Variants in RIMS1 observed in about 807,000 individuals in gnomAD.
RIMS1 encodes the protein regulating synaptic membrane exocytosis protein 1.
In RIMS1, 83 loss-of-function variants were observed where a neutral mutation model predicts 214.1. The observed-to-expected ratio is 0.39, with a 90% CI of 0.32 to 0.47. The LOEUF (loss-of-function observed/expected upper bound fraction) is 0.47, where lower values mean the gene tolerates loss of function less well. Ranked by LOEUF, RIMS1 falls within the 20% of genes least tolerant of loss-of-function variation. RIMS1 has a pLI of 0.99. For missense variants in RIMS1, 2,050 were observed against 2,161.8 expected (o/e 0.95, Z 1.03); for synonymous variants, 793 against 786.8 (o/e 1.01, Z -0.13).
chr6:72,264,850 G>C (rs1254156427), intron 19 of RIMS1, 125 bp from the exon 20 acceptor site: 9 of 575,136 alleles, frequency 1.6e-5, no homozygotes, highest in Non-Finnish European at 2.4e-5. Context: ...TGGTTCTTTT[G>C]AGAAAAAAAT....
At chr6:72,125,934 T>A (rs1185853590) in intron 4 of RIMS1, among the ~76,000 whole-genome samples, 6 of 152,212 alleles carry the variant, frequency 3.9e-5, no homozygotes, top group Non-Finnish European at 8.8e-5. Flanking sequence ...CCCTGACCCC[T>A]TGCGCTTCCT....
chr6:72,283,200 T>C (rs1369449103), intron 23 of RIMS1, among the ~76,000 whole-genome samples: 1 of 152,150 alleles, frequency 6.6e-6, no homozygotes, highest in African/African-American at 2.4e-5. Context: ...TTTCTCTCTT[T>C]TTTTTTGTAA....
At position 72,251,004 on chromosome 6, in the gene RIMS1, A is replaced by G. The variant is rs761549741; in HGVS notation, c.2456A>G (p.His819Arg). Residue 819 changes from histidine to arginine, a missense_variant, in exon 14 of 34, where the codon CAT (histidine) becomes CGT (arginine). Physicochemically the swap from His to Arg is conservative, Grantham distance 29 (BLOSUM62 0). This residue lies in a region of RIMS1 where 889 missense variants were observed against 885.5 expected (regional missense o/e 1.00). Transcript: ENST00000521978. Reference protein sequence around the residue: ...WNQTFVYSHVHRRDFRERMLE... With the variant: ...WNQTFVYSHVRRRDFRERMLE... ...CAAACTTTTGTCTATTCACATGTAC[A>G]TCGTAGAGATTTTAGAGAACGAATG... The G allele has an allele frequency of 8.3e-6, 13 of 1,566,670 alleles. No homozygotes were observed. Among genetic ancestry groups the G allele is most frequent in the Admixed American group, 1.9e-5 (1 of 53,058 alleles).
chr6:72,329,993 G>T (rs2154336337), intron 28 of RIMS1, among the ~76,000 whole-genome samples: 1 of 151,886 alleles, frequency 6.6e-6, no homozygotes, highest in African/African-American at 2.4e-5. Context: ...ACTACATAAT[G>T]CTTGGAACCA....
At chr6:72,128,268 G>A (rs541310525) in intron 4 of RIMS1, among the ~76,000 whole-genome samples, 4 of 152,178 alleles carry the variant, frequency 2.6e-5, no homozygotes, top group African/African-American at 9.6e-5. Flanking sequence ...CATTTCAAAG[G>A]ACAGAGAAAT....
At chr6:71,903,898 A>C (rs906795863) in intron 1 of RIMS1, among the ~76,000 whole-genome samples, 16 of 152,154 alleles carry the variant, frequency 1.1e-4, no homozygotes, top group African/African-American at 3.9e-4. Context: ...ATCTGTTTTC[A>C]TACATGTATG....
At chr6:72,006,382 G>A (rs1048372392) in intron 2 of RIMS1, among the ~76,000 whole-genome samples, 4 of 152,204 alleles carry the variant, frequency 2.6e-5, no homozygotes, top group African/African-American at 9.6e-5. Context: ...AACAGCTCCA[G>A]TCTACAGCTC....
At chr6:72,216,045 A>C (rs559829433) in intron 6 of RIMS1, among the ~76,000 whole-genome samples, 1 of 152,188 alleles carries the variant, frequency 6.6e-6, no homozygotes, top group African/African-American at 2.4e-5. Flanking sequence ...TTTTCAGCAA[A>C]TAATCCCTAG....
At chr6:71,895,420 A>G in intron 1 of RIMS1, among the ~76,000 whole-genome samples, 1 of 152,148 alleles carries the variant, frequency 6.6e-6, no homozygotes, top group South Asian at 2.1e-4. Context: ...CACGCCTGCA[A>G]TCCCAGCACT....
chr6:72,224,674 G>A (rs189240342), intron 6 of RIMS1, among the ~76,000 whole-genome samples: 109 of 152,270 alleles, frequency 7.2e-4, no homozygotes, highest in Non-Finnish European at 1.2e-3. Flanking sequence ...CGACATTAAC[G>A]TAGTTTGCTT....
At chr6:72,114,822 G>A (rs1261798374) in intron 4 of RIMS1, among the ~76,000 whole-genome samples, 1 of 151,876 alleles carries the variant, frequency 6.6e-6, no homozygotes, top group African/African-American at 2.4e-5. Flanking sequence ...AGCTATTGTT[G>A]TGGAGCTGTC....
chr6:71,938,409 C>T (rs1040670165), intron 1 of RIMS1, among the ~76,000 whole-genome samples: 1 of 152,194 alleles, frequency 6.6e-6, no homozygotes, highest in African/African-American at 2.4e-5. Flanking sequence ...CTGTCATGGC[C>T]TCACCCCACA....
In RIMS1 at chr6:72,283,877, T is replaced by TATTC. The variant is rs553014044; in HGVS notation, c.3483-154_3483-151dup. Among the ~76,000 whole-genome samples the TATTC allele has an allele frequency of 3.3e-5, 5 of 152,328 alleles. No individual in the cohort carries two copies. The East Asian group carries it at 5.8e-4, about 18-fold the overall frequency. ...TTGGCACCAATTCTGGTTTTCATTTTATTCATTCATTCATTCATTTATTTG... is the reference window on the plus strand; with the variant it reads ...TTGGCACCAATTCTGGTTTTCATTTTATTCATTCATTCATTCATTCATTTATTTG... On this transcript the variant is annotated intron_variant, in intron 23 of 33. Transcript: ENST00000521978.
intron 29 of RIMS1, among the ~76,000 whole-genome samples, chr6:72,362,741 A>G (rs773028698): frequency 3.3e-5 from 5 of 152,180 alleles, no homozygotes; most frequent in Non-Finnish European, 7.3e-5. Context: ...TTTGATTTCT[A>G]ACCATCTCTT....
chr6:71,998,777 G>C (rs961133515), intron 2 of RIMS1, among the ~76,000 whole-genome samples: 2 of 152,116 alleles, frequency 1.3e-5, no homozygotes, highest in African/African-American at 4.8e-5. Context: ...AGAGCAAGGA[G>C]CTCCTCATTT....
intron 4 of RIMS1, among the ~76,000 whole-genome samples, chr6:72,150,240 A>G (rs1562434336): frequency 6.6e-6 from 1 of 152,056 alleles, no homozygotes; most frequent in East Asian, 1.9e-4. Context: ...TGGGCATGAC[A>G]GTGTAAAAAA....
intron 4 of RIMS1, chr6:72,148,738 C>A: frequency 2.3e-6 from 1 of 429,436 alleles, no homozygotes; most frequent in East Asian, 7.1e-5. Flanking sequence ...TCTAGGGCTT[C>A]AATCGAAAGC....
intron 4 of RIMS1, 95 bp downstream of exon 4, chr6:72,100,081 T>A: frequency 3.0e-6 from 3 of 993,438 alleles, no homozygotes; most frequent in Admixed American, 2.1e-5. Context: ...ATAACTATAT[T>A]TCACAAGAAA....
At chr6:71,958,918 G>T (rs776112128) in intron 1 of RIMS1, among the ~76,000 whole-genome samples, 2 of 152,074 alleles carry the variant, frequency 1.3e-5, no homozygotes, top group Non-Finnish European at 2.9e-5. Context: ...TGAAGGGGAT[G>T]AAAAAGTTAT....
Sources: gnomAD v4.1 joint callset for allele counts (sites outside exome capture counted in the v4.1 genomes callset) on GRCh38, gnomAD v4.1.1 for gene constraint, gnomAD v4.1.1 regional missense constraint, MANE v1.5 for transcripts, NCBI Gene and HGNC (gene_info 2026-07-23, HGNC 2026-07-21) for gene names.